The following FCHSD2 variants were observed in gnomAD, a reference collection of about 807,000 sequenced individuals.
FCHSD2 encodes FCH and double SH3 domains 2, also known as F-BAR and double SH3 domains protein 2.
Under a neutral mutation model 108.1 loss-of-function variants are expected in FCHSD2, and 38 were observed. The ratio of observed to expected loss-of-function variants is 0.35; its 90% CI spans 0.27 to 0.46. FCHSD2 has a LOEUF of 0.46. FCHSD2 is among the 20% of genes least tolerant of loss of function. The probability of loss-of-function intolerance (pLI) is 1.00; values close to 1 mark genes in which losing one functional copy is unlikely to be tolerated. For synonymous variants in FCHSD2, 279 were observed against 314.7 expected (o/e 0.89, Z 1.20); for missense variants, 751 against 897.8 (o/e 0.84, Z 2.09).
chr11:72,980,144 T>C (rs1361495765), intron 8 of FCHSD2, among the ~76,000 whole-genome samples: 1 of 152,128 alleles, frequency 6.6e-6, no homozygotes, highest in Non-Finnish European at 1.5e-5. Flanking sequence ...CTATCGTCTC[T>C]GTAAATTAGG....
At chr11:73,121,200 C>G (rs867690339) in intron 2 of FCHSD2, among the ~76,000 whole-genome samples, 1 of 151,964 alleles carries the variant, frequency 6.6e-6, no homozygotes, top group African/African-American at 2.4e-5. Flanking sequence ...CACGCATGCA[C>G]GCACACACAC....
intron 2 of FCHSD2, among the ~76,000 whole-genome samples, chr11:73,127,877 G>T (rs929853525): frequency 6.6e-6 from 1 of 151,734 alleles, no homozygotes; most frequent in African/African-American, 2.4e-5. Context: ...ATCACCTGAG[G>T]TCAAGGTCAA....
At chr11:72,895,371 T>G (rs750369407) in intron 10 of FCHSD2, among the ~76,000 whole-genome samples, 1 of 152,148 alleles carries the variant, frequency 6.6e-6, no homozygotes, top group Non-Finnish European at 1.5e-5. Context: ...CCCTGAGTAA[T>G]GACATGAAAG....
chr11:73,118,614 T>C (rs1860659466), intron 2 of FCHSD2, among the ~76,000 whole-genome samples: 1 of 152,246 alleles, frequency 6.6e-6, no homozygotes, highest in Non-Finnish European at 1.5e-5. Flanking sequence ...GAATGGTATA[T>C]TTGGAGGTTT....
chr11:72,936,636 A>T (rs958257557), intron 8 of FCHSD2, among the ~76,000 whole-genome samples: 1 of 152,204 alleles, frequency 6.6e-6, no homozygotes, highest in Non-Finnish European at 1.5e-5. Context: ...AAAAATTTTT[A>T]AAAAAGAATC....
intron 8 of FCHSD2, among the ~76,000 whole-genome samples, chr11:72,928,454 A>G (rs1248554559): frequency 2.0e-5 from 3 of 152,188 alleles, no homozygotes; most frequent in East Asian, 3.8e-4. Flanking sequence ...ATGTTCCCAA[A>G]TAAGTTATTC....
chr11:73,049,020 GAC>G (rs2135472995), intron 3 of FCHSD2, among the ~76,000 whole-genome samples: 1 of 152,190 alleles, frequency 6.6e-6, no homozygotes, highest in East Asian at 1.9e-4. Flanking sequence ...TCAACATACT[GAC>G]ACAGTGGAAT....
At chr11:72,952,040 T>C (rs1312639463) in intron 8 of FCHSD2, among the ~76,000 whole-genome samples, 1 of 152,194 alleles carries the variant, frequency 6.6e-6, no homozygotes, top group Non-Finnish European at 1.5e-5. Context: ...GAATCAAAAA[T>C]TCCCTGAAGC....
intron 3 of FCHSD2, among the ~76,000 whole-genome samples, chr11:73,032,328 A>G (rs1249640596): frequency 6.6e-6 from 1 of 152,152 alleles, no homozygotes; most frequent in Non-Finnish European, 1.5e-5. Flanking sequence ...ACCTGGGCTT[A>G]AGCGATCTTC....
chr11:72,914,216 T>C (rs188936640), intron 9 of FCHSD2, among the ~76,000 whole-genome samples: 113 of 152,206 alleles, frequency 7.4e-4, no homozygotes, highest in African/African-American at 2.5e-3. Flanking sequence ...GGTTTCACCA[T>C]GTTGGCCAGA....
intron 8 of FCHSD2, among the ~76,000 whole-genome samples, chr11:72,957,596 A>G (rs1856739791): frequency 6.6e-6 from 1 of 151,360 alleles, no homozygotes; most frequent in South Asian, 2.1e-4. Context: ...AGAAATAAAA[A>G]AGATATTTTT....
chr11:73,137,872 A>G (rs1214451407), intron 2 of FCHSD2, among the ~76,000 whole-genome samples: 1 of 152,260 alleles, frequency 6.6e-6, no homozygotes. Flanking sequence ...GGAAGCTTGC[A>G]GCTGGGTTGC....
intron 2 of FCHSD2, among the ~76,000 whole-genome samples, chr11:73,132,324 C>T (rs917601064): frequency 1.3e-5 from 2 of 152,206 alleles, no homozygotes; most frequent in African/African-American, 2.4e-5. Context: ...TGGCATTTCA[C>T]CTGTCTCATT....
chr11:72,935,365 C>A (rs1281529894), intron 8 of FCHSD2, among the ~76,000 whole-genome samples: 1 of 152,142 alleles, frequency 6.6e-6, no homozygotes, highest in East Asian at 1.9e-4. Context: ...TTGCTGAAAT[C>A]TCTTGAGTTT....
chr11:73,055,165 C>A (rs1428730700), intron 3 of FCHSD2, among the ~76,000 whole-genome samples: 1 of 152,024 alleles, frequency 6.6e-6, no homozygotes, highest in Non-Finnish European at 1.5e-5. Flanking sequence ...ATGAGAACAA[C>A]AGGGGGAAAA....
At chr11:73,032,836 G>C (rs1483498189) in intron 3 of FCHSD2, among the ~76,000 whole-genome samples, 1 of 152,132 alleles carries the variant, frequency 6.6e-6, no homozygotes, top group African/African-American at 2.4e-5. Context: ...ATGGCTTAAA[G>C]GTGAGACTGA....
At chr11:73,062,293 T>C (rs1859186257) in intron 3 of FCHSD2, among the ~76,000 whole-genome samples, 1 of 151,852 alleles carries the variant, frequency 6.6e-6, no homozygotes, top group Non-Finnish European at 1.5e-5. Flanking sequence ...GTCACCAACA[T>C]CAAAGACCAA....
chr11:73,054,844 C>T (rs1459881577), intron 3 of FCHSD2, among the ~76,000 whole-genome samples: 1 of 152,124 alleles, frequency 6.6e-6, no homozygotes, highest in Non-Finnish European at 1.5e-5. Context: ...TGGCATGTGC[C>T]TGTAATCTCA....
chr11:72,884,714 C>T (rs1308091955), intron 12 of FCHSD2, among the ~76,000 whole-genome samples: 1 of 151,922 alleles, frequency 6.6e-6, no homozygotes. Context: ...AAGCCTCTGC[C>T]TCCCAAGTAG....
Sources: gnomAD v4.1 joint callset for allele counts (sites outside exome capture counted in the v4.1 genomes callset) on GRCh38, gnomAD v4.1.1 for gene constraint, MANE v1.5 for transcripts, NCBI Gene and HGNC (gene_info 2026-07-23, HGNC 2026-07-21) for gene names.